The following TOM1L2 variants were observed in gnomAD, a reference collection of about 807,000 sequenced individuals.
The protein encoded by TOM1L2 is target of myb1 like 2 membrane trafficking protein, also known as TOM1-like protein 2.
TOM1L2 carries 31 observed loss-of-function variants against 67.9 expected under a neutral mutation model. The ratio of observed to expected loss-of-function variants is 0.46; its 90% CI spans 0.34 to 0.62. TOM1L2 has a LOEUF of 0.62. Ranked by LOEUF, TOM1L2 falls within the 20% of genes least tolerant of loss-of-function variation. TOM1L2 has a pLI of 0.01. For missense variants in TOM1L2, 606 were observed against 663.5 expected (o/e 0.91, Z 0.95); for synonymous variants, 256 against 254.0 (o/e 1.01, Z -0.07).
At chr17:17,898,492 A>G (rs1429876863) in intron 3 of TOM1L2, 104 bp downstream of exon 3, 2 of 1,193,108 alleles carry the variant, frequency 1.7e-6, no homozygotes, top group East Asian at 4.7e-5. Flanking sequence ...CAAGCCATTC[A>G]GAGGTTGTGC....
Position 17,869,176 on chromosome 17 carries a change from C to T in TOM1L2, c.911+164G>A, listed in dbSNP as rs575285624. The T allele has an allele frequency of 8.9e-5, 119 of 1,339,638 alleles. No individual in the cohort carries two copies. The East Asian group carries it at 2.8e-3, about 32-fold the overall frequency. The allele number at this position is 1,339,638 out of a possible 1,614,324, so 83.0% of individuals were successfully genotyped here. A position where few individuals can be genotyped will look rare whatever the true frequency, so the allele number is the denominator to read the frequency against. The stretch of plus-strand genomic sequence containing the variant: ...GCTCAGTTCCCAGGAGGACAAGAAG[C>T]ATTTTTCCTGTCAGCCGGGAACAAA... On this transcript the variant is annotated intron_variant, in intron 8 of 14. Coordinates refer to ENST00000379504, the MANE Select transcript of TOM1L2 (RefSeq NM_001082968.2).
rs118161505 is a variant in TOM1L2, at chr17:17,907,867, C to T, written c.53-336G>A. On this transcript the variant is annotated intron_variant, in intron 1 of 14. Coordinates refer to ENST00000379504, the MANE Select transcript of TOM1L2 (RefSeq NM_001082968.2). The stretch of plus-strand genomic sequence containing the variant: ...TACCTAGGTTCAAATACAGGCTCCA[C>T]TACTTACTAGTTGTGTGGTCTTGGG... 9.9e-4 allele frequency among the ~76,000 whole-genome samples: 151 copies of T among 152,320 alleles called. 1 individual carries two copies. In the East Asian group the frequency reaches 0.026, roughly 26 times the overall value.
At chr17:17,862,551 A>T (rs1429237546) in intron 11 of TOM1L2, 180 bp downstream of exon 11, 3 of 601,854 alleles carry the variant, frequency 5.0e-6, no homozygotes, top group African/African-American at 1.9e-5. Flanking sequence ...GTGGGGGAGG[A>T]GGTGGGCAGT....
chr17:17,850,131 C>T (rs1422928937), intron 13 of TOM1L2, among the ~76,000 whole-genome samples: 3 of 152,194 alleles, frequency 2.0e-5, no homozygotes, highest in Non-Finnish European at 4.4e-5. Context: ...TGAGGTGTCT[C>T]CAGCTCTGGG....
chr17:17,934,581 G>A (rs982657510), intron 1 of TOM1L2, among the ~76,000 whole-genome samples: 1 of 152,102 alleles, frequency 6.6e-6, no homozygotes, highest in African/African-American at 2.4e-5. Flanking sequence ...GTTTTGTTTT[G>A]TTTTGTTTAG....
chr17:17,848,970 G>T, intron 13 of TOM1L2, 111 bp from the exon 14 acceptor site: 1 of 969,186 alleles, frequency 1.0e-6, no homozygotes. Context: ...AGGGTAGCCT[G>T]AACAAAACTT....
At position 17,931,633 on chromosome 17, in the gene TOM1L2, T is replaced by C. The variant is rs549978487; in HGVS notation, c.53-24102A>G. On this transcript the variant is annotated intron_variant, in intron 1 of 14. Coordinates refer to ENST00000379504, the MANE Select transcript of TOM1L2 (RefSeq NM_001082968.2). ...AGCATCTCCCAGAAGACCTTACACATGAGGGGACCTCAAAAATGGAGTTGC... is the reference window on the plus strand; with the variant it reads ...AGCATCTCCCAGAAGACCTTACACACGAGGGGACCTCAAAAATGGAGTTGC... 2.6e-4 allele frequency among the ~76,000 whole-genome samples: 39 copies of C among 152,302 alleles called. No homozygotes were observed. In the South Asian group the frequency reaches 7.5e-3, roughly 29 times the overall value.
chr17:17,854,441 C>G lies in TOM1L2; in HGVS notation c.1279-3489G>C, dbSNP rs187890657. On this transcript the variant is annotated intron_variant, in intron 12 of 14. Coordinates refer to ENST00000379504, the MANE Select transcript of TOM1L2 (RefSeq NM_001082968.2). ...CCTCATCTGTCAGACTAGGGGCTGG[C>G]CCAGCAGATTCCTAAGAAGGCTGTT... 3.3e-5 allele frequency among the ~76,000 whole-genome samples: 5 copies of G among 152,070 alleles called. No homozygotes were observed. In the East Asian group the frequency reaches 9.6e-4, roughly 29 times the overall value.
chr17:17,955,956 T>C (rs1277145793), intron 1 of TOM1L2, among the ~76,000 whole-genome samples: 2 of 152,186 alleles, frequency 1.3e-5, no homozygotes, highest in African/African-American at 4.8e-5. Context: ...GAATTGTTCA[T>C]TCCTCCCAAT....
At chr17:17,939,693 A>G (rs1054755428) in intron 1 of TOM1L2, among the ~76,000 whole-genome samples, 8 of 152,370 alleles carry the variant, frequency 5.3e-5, no homozygotes, top group African/African-American at 1.9e-4. Flanking sequence ...TCTATAACAC[A>G]AAGTTTAAAA....
chr17:17,879,888 GCCA>G (rs2037628359), intron 6 of TOM1L2, 145 bp from the exon 7 acceptor site: 1 of 725,450 alleles, frequency 1.4e-6, no homozygotes, highest in South Asian at 1.6e-5. Flanking sequence ...CACTGCAGAG[GCCA>G]CCTTCTCATC....
intron 2 of TOM1L2, among the ~76,000 whole-genome samples, chr17:17,903,046 C>T (rs2038926352): frequency 6.6e-6 from 1 of 152,140 alleles, no homozygotes; most frequent in Admixed American, 6.5e-5. Context: ...CTGGCTGATA[C>T]CCTGGCACTC....
intron 1 of TOM1L2, among the ~76,000 whole-genome samples, chr17:17,947,488 C>T (rs1017036187): frequency 6.6e-6 from 1 of 152,186 alleles, no homozygotes; most frequent in African/African-American, 2.4e-5. Flanking sequence ...TCCAATCATG[C>T]ATGCACAGAG....
At chr17:17,867,428 G>A (rs1024443210) in intron 8 of TOM1L2, among the ~76,000 whole-genome samples, 18 of 152,314 alleles carry the variant, frequency 1.2e-4, no homozygotes, top group African/African-American at 4.1e-4. Flanking sequence ...GCCAGTAGCT[G>A]CTACAGAGAG....
rs538240720 is a variant in TOM1L2, at chr17:17,945,876, G to T, written c.52+26386C>A. Among the ~76,000 whole-genome samples the T allele has an allele frequency of 5.9e-5, 9 of 152,114 alleles. 1 individual carries two copies. The South Asian group carries it at 1.9e-3, about 32-fold the overall frequency. ...TTTTCTTTTTTTATTTTTTAAAAAA[G>T]ATGTCTATTTTTGAGACAAGGTCTC... On this transcript the variant is annotated intron_variant, in intron 1 of 14. Transcript: ENST00000379504.
intron 6 of TOM1L2, among the ~76,000 whole-genome samples, chr17:17,882,115 G>A (rs2037756015): frequency 1.3e-5 from 2 of 152,208 alleles, no homozygotes; most frequent in Admixed American, 6.5e-5. Flanking sequence ...AGGGTGGGGA[G>A]TGTTTGGGAT....
intron 1 of TOM1L2, among the ~76,000 whole-genome samples, chr17:17,946,923 C>A (rs556722106): frequency 6.6e-6 from 1 of 152,136 alleles, no homozygotes; most frequent in Non-Finnish European, 1.5e-5. Context: ...TGGAGTTTTA[C>A]CACGTTGGCC....
intron 1 of TOM1L2, among the ~76,000 whole-genome samples, chr17:17,922,135 A>T (rs1598343912): frequency 6.6e-6 from 1 of 152,324 alleles, no homozygotes; most frequent in East Asian, 1.9e-4. Flanking sequence ...ACTCCCCAGG[A>T]AAGACCTGCA....
chr17:17,870,132 A>G (rs554478729), intron 7 of TOM1L2, among the ~76,000 whole-genome samples: 1 of 152,280 alleles, frequency 6.6e-6, no homozygotes, highest in South Asian at 2.1e-4. Context: ...TGCATTAGGT[A>G]TATTTTGGTG....
Sources: gnomAD v4.1 joint callset for allele counts (sites outside exome capture counted in the v4.1 genomes callset) on GRCh38, gnomAD v4.1.1 for gene constraint, MANE v1.5 for transcripts, NCBI Gene and HGNC (gene_info 2026-07-23, HGNC 2026-07-21) for gene names.